RGS6: variants seen among roughly 807,000 people sequenced by gnomAD.
The protein encoded by RGS6 is regulator of G protein signaling 6.
RGS6 carries 30 observed loss-of-function variants against 78.5 expected under a neutral mutation model. That is an observed-to-expected ratio of 0.38 (90% CI 0.29 to 0.52). RGS6 has a LOEUF of 0.52. Among genes scored for constraint, RGS6 ranks in the 20% least tolerant of loss-of-function variants. The pLI is 0.85. For synonymous variants in RGS6, 206 were observed against 206.0 expected (o/e 1.00, Z 0.00); for missense variants, 495 against 609.7 (o/e 0.81, Z 1.98).
intron 2 of RGS6, among the ~76,000 whole-genome samples, chr14:72,252,679 A>G (rs182211293): frequency 7.7e-4 from 118 of 152,358 alleles, no homozygotes; most frequent in Non-Finnish European, 1.4e-3. Context: ...GCCAAAACAT[A>G]TTCTCAATCT....
the RGS6 span, among the ~76,000 whole-genome samples, chr14:72,606,768 A>T: frequency 6.6e-6 from 1 of 152,116 alleles, no homozygotes; most frequent in Non-Finnish European, 1.5e-5. Flanking sequence ...ATCCCTCATG[A>T]ACAGCTTTGT....
intron 2 of RGS6, among the ~76,000 whole-genome samples, chr14:72,111,324 C>G (rs80022225): frequency 6.6e-6 from 1 of 152,134 alleles, no homozygotes; most frequent in African/African-American, 2.4e-5. Flanking sequence ...GATATTCTTG[C>G]TGTTTCTCTT....
intron 2 of RGS6, among the ~76,000 whole-genome samples, chr14:72,324,761 G>A (rs886201532): frequency 6.6e-6 from 1 of 151,994 alleles, no homozygotes; most frequent in African/African-American, 2.4e-5. Flanking sequence ...ATCATGGATG[G>A]ACATTTGGGT....
chr14:72,295,549 G>A (rs904896217), intron 2 of RGS6, among the ~76,000 whole-genome samples: 19 of 152,210 alleles, frequency 1.2e-4, no homozygotes, highest in African/African-American at 4.3e-4. Context: ...GAGGCAAAAT[G>A]AAATAAAATA....
At chr14:72,240,887 G>T (rs192835808) in intron 2 of RGS6, among the ~76,000 whole-genome samples, 1 of 152,088 alleles carries the variant, frequency 6.6e-6, no homozygotes, top group African/African-American at 2.4e-5. Context: ...GGCCAGGCGC[G>T]GTGGCTCACC....
At chr14:72,386,691 A>G (rs1003879261) in intron 3 of RGS6, among the ~76,000 whole-genome samples, 2 of 152,140 alleles carry the variant, frequency 1.3e-5, no homozygotes, top group African/African-American at 4.8e-5. Context: ...CATGATCCCT[A>G]TCCCGTGCTC....
chr14:72,056,818 TTTTAAG>T (rs1246943685), intron 2 of RGS6, among the ~76,000 whole-genome samples: 4 of 152,190 alleles, frequency 2.6e-5, no homozygotes, highest in African/African-American at 7.2e-5. Flanking sequence ...CACAATAAAC[TTTTAAG>T]TTTAATTCCA....
chr14:71,999,930 G>A lies in RGS6; in HGVS notation c.84+35055G>A, dbSNP rs1468097031. Among the ~76,000 whole-genome samples the A allele has an allele frequency of 2.6e-5, 4 of 151,154 alleles. No homozygotes were observed. In the East Asian group the frequency reaches 7.8e-4, roughly 29 times the overall value. On this transcript the variant is annotated intron_variant, in intron 2 of 17. Coordinates refer to ENST00000553525, the MANE Select transcript of RGS6 (RefSeq NM_001204424.2). ...CTTTATAGCAGTATGAGAACTAATAGAGAATTTTTGATGGAGTCAAAAACT... is the reference window on the plus strand; with the variant it reads ...CTTTATAGCAGTATGAGAACTAATAAAGAATTTTTGATGGAGTCAAAAACT...
chr14:72,463,219 A>G (rs2095825402), intron 6 of RGS6, among the ~76,000 whole-genome samples: 1 of 152,212 alleles, frequency 6.6e-6, no homozygotes, highest in East Asian at 1.9e-4. Context: ...TTTCGGTAAG[A>G]AATTAAATAT....
At chr14:72,559,449 G>A (rs1342599052) in intron 17 of RGS6, among the ~76,000 whole-genome samples, 2 of 152,190 alleles carry the variant, frequency 1.3e-5, no homozygotes, top group African/African-American at 2.4e-5. Flanking sequence ...CTTCCAGTCT[G>A]AGCCTGCCCT....
intron 2 of RGS6, among the ~76,000 whole-genome samples, chr14:72,092,216 G>C (rs2095291358): frequency 6.6e-6 from 1 of 151,810 alleles, no homozygotes; most frequent in Non-Finnish European, 1.5e-5. Flanking sequence ...AGTAGGTATG[G>C]GGTTTCACCA....
intron 2 of RGS6, among the ~76,000 whole-genome samples, chr14:71,972,451 G>A (rs6574036): frequency 0.92 from 139,462 of 152,198 alleles, 63,928 homozygotes; most frequent in East Asian, 0.99. Context: ...TTACCAATAA[G>A]ACCCTAACGA....
intron 15 of RGS6, among the ~76,000 whole-genome samples, chr14:72,520,536 G>A (rs763059598): frequency 1.4e-4 from 22 of 152,136 alleles, no homozygotes; most frequent in Non-Finnish European, 2.4e-4. Flanking sequence ...AAACAACAAC[G>A]TACTAATTTT....
At chr14:72,107,367 C>T (rs1241600923) in intron 2 of RGS6, among the ~76,000 whole-genome samples, 1 of 152,142 alleles carries the variant, frequency 6.6e-6, no homozygotes, top group Non-Finnish European at 1.5e-5. Flanking sequence ...CAACTTGGCT[C>T]TTGATTCCTT....
chr14:72,078,809 C>A (rs2094698251), intron 2 of RGS6, among the ~76,000 whole-genome samples: 1 of 152,172 alleles, frequency 6.6e-6, no homozygotes, highest in South Asian at 2.1e-4. Flanking sequence ...TGAATCCAAG[C>A]CTCCAACTTT....
At chr14:72,588,084 A>ATC in the RGS6 span, among the ~76,000 whole-genome samples, 1 of 152,122 alleles carries the variant, frequency 6.6e-6, no homozygotes, top group South Asian at 2.1e-4. Context: ...TCCCAGGAAT[A>ATC]TCTGGGCACA....
chr14:72,412,969 A>G lies in RGS6; in HGVS notation c.185-41559A>G, dbSNP rs1279035459. On this transcript the variant is annotated intron_variant, in intron 3 of 17. Transcript: ENST00000553525. ...AATTTCTATTCTTTTACATTTGCTG[A>G]GGAGTGCTTTACTTCCAACTATGTG... is the stretch of plus-strand genomic sequence containing the variant. Among the ~76,000 whole-genome samples the G allele has an allele frequency of 2.6e-5, 4 of 152,256 alleles. 1 individual carries two copies. The highest frequency in any genetic ancestry group is 2.6e-4 in the Admixed American group (4 of 15,286).
At chr14:72,133,923 C>T (rs1420752595) in intron 2 of RGS6, among the ~76,000 whole-genome samples, 1 of 152,188 alleles carries the variant, frequency 6.6e-6, no homozygotes, top group Non-Finnish European at 1.5e-5. Context: ...ATGGTCTAGA[C>T]TTCATTGACA....
intron 2 of RGS6, among the ~76,000 whole-genome samples, chr14:72,274,716 G>A (rs1410319545): frequency 6.6e-6 from 1 of 152,168 alleles, no homozygotes; most frequent in African/African-American, 2.4e-5. Flanking sequence ...TAGAGGCAGG[G>A]AGCCATGAAC....
Sources: gnomAD v4.1 joint callset for allele counts (sites outside exome capture counted in the v4.1 genomes callset) on GRCh38, gnomAD v4.1.1 for gene constraint, MANE v1.5 for transcripts, NCBI Gene and HGNC (gene_info 2026-07-23, HGNC 2026-07-21) for gene names.